WSCD2: variants seen among roughly 807,000 people sequenced by gnomAD.
WSCD2 encodes WSC domain sialate O sulfotransferase 2, also known as sialate:O-sulfotransferase 2.
WSCD2 carries 28 observed loss-of-function variants against 55.7 expected under a neutral mutation model. That is an observed-to-expected ratio of 0.50 (90% CI 0.37 to 0.69). WSCD2 has a LOEUF of 0.69. Among genes scored for constraint, WSCD2 ranks in the 30% least tolerant of loss-of-function variants. The pLI is 0.00. For synonymous variants in WSCD2, 301 were observed against 301.9 expected, an observed-to-expected ratio of 1.00 and a Z score of 0.03; for missense variants, 616 against 762.1, an observed-to-expected ratio of 0.81 and a Z score of 2.26.
intron 1 of WSCD2, among the ~76,000 whole-genome samples, chr12:108,162,756 G>T (rs1472695683): frequency 6.6e-6 from 1 of 152,128 alleles, no homozygotes; most frequent in Non-Finnish European, 1.5e-5. Flanking sequence ...AATGACCTCT[G>T]CTCAGACCTG....
At chr12:108,225,004 T>C in intron 5 of WSCD2, 144 bp downstream of exon 5, 1 of 1,247,328 alleles carries the variant, frequency 8.0e-7, no homozygotes, top group Admixed American at 2.6e-5. Flanking sequence ...GGGAGAGGGA[T>C]GTGACCATTT....
intron 1 of WSCD2, among the ~76,000 whole-genome samples, chr12:108,159,353 C>T (rs1878839824): frequency 6.6e-6 from 1 of 152,172 alleles, no homozygotes; most frequent in African/African-American, 2.4e-5. Flanking sequence ...TATAGTGACA[C>T]ATTTAGTCCT....
intron 1 of WSCD2, chr12:108,171,604 T>A (rs1880259470): frequency 6.6e-6 from 1 of 152,244 alleles, no homozygotes; most frequent in Non-Finnish European, 1.5e-5. Flanking sequence ...TCCTTCTTCA[T>A]TTTTTAACAT....
chr12:108,234,158 CA>C (rs892758005), intron 7 of WSCD2, among the ~76,000 whole-genome samples: 10 of 151,846 alleles, frequency 6.6e-5, no homozygotes, highest in Non-Finnish European at 1.2e-4. Context: ...ATAAAAATAA[CA>C]AAAAAATCTA....
At chr12:108,173,810 C>CTCTCTCTGTGTGTG (rs376999073) in intron 1 of WSCD2, among the ~76,000 whole-genome samples, 22 of 131,142 alleles carry the variant, frequency 1.7e-4, no homozygotes, top group African/African-American at 5.8e-4. Flanking sequence ...TCCTGGCTCT[C>CTCTCTCTGTGTGTG]TGTGTGTGTG....
At chr12:108,231,440 G>A (rs1185824184) in intron 6 of WSCD2, among the ~76,000 whole-genome samples, 1 of 152,170 alleles carries the variant, frequency 6.6e-6, no homozygotes, top group Admixed American at 6.5e-5. Flanking sequence ...TAACTCTGAT[G>A]GTAATGGCAT....
At chr12:108,139,525 A>G (rs898998433) in intron 1 of WSCD2, among the ~76,000 whole-genome samples, 3 of 152,172 alleles carry the variant, frequency 2.0e-5, no homozygotes, top group Non-Finnish European at 2.9e-5. Flanking sequence ...AGTCACCAAC[A>G]TGGGCTGTAG....
chr12:108,227,034 G>C lies in WSCD2; in HGVS notation c.849G>C (p.Gly283=). Residue 283 remains glycine (G), a synonymous_variant, in exon 6 of 9, where the codon GGG becomes GGC. Transcript: ENST00000547525. ...TTGCAGGCACCGCCTGCCACTGTGG[G>C]TTTCCCACCACCCGATTCCCGCTCC... ...AALAGTACHC[G]FPTTRFPLHD... The C allele has an allele frequency of 6.2e-7, 1 of 1,614,176 alleles. No homozygotes were observed. The highest frequency in any genetic ancestry group is 8.5e-7 in the Non-Finnish European group (1 of 1,180,034).
chr12:108,196,232 C>G lies in WSCD2; in HGVS notation c.382+18C>G. ...AGAGCGAGGTAAGAGCGAGGAACAT[C>G]TGGACACTGAGGGGCTGGGGAGAAG... On this transcript the variant is annotated intron_variant, in intron 2 of 8. Coordinates refer to ENST00000547525, the MANE Select transcript of WSCD2 (RefSeq NM_014653.4). The G allele has an allele frequency of 6.2e-7, 1 of 1,601,274 alleles. No individual in the cohort carries two copies. The highest frequency in any genetic ancestry group is 1.3e-5 in the African/African-American group (1 of 74,686).
chr12:108,223,731 G>A (rs1473866442), intron 4 of WSCD2, among the ~76,000 whole-genome samples: 2 of 152,200 alleles, frequency 1.3e-5, no homozygotes, highest in Non-Finnish European at 2.9e-5. Context: ...CCCAACAGGA[G>A]CAAGCAGCCC....
At chr12:108,132,770 G>A (rs940207881) in intron 1 of WSCD2, among the ~76,000 whole-genome samples, 3 of 152,202 alleles carry the variant, frequency 2.0e-5, no homozygotes, top group Non-Finnish European at 4.4e-5. Context: ...TTATTTGCAT[G>A]TGTATGTGGG....
At chr12:108,246,215 C>G (rs979294743) in intron 8 of WSCD2, among the ~76,000 whole-genome samples, 1 of 152,224 alleles carries the variant, frequency 6.6e-6, no homozygotes, top group African/African-American at 2.4e-5. Flanking sequence ...GACAGTAGTC[C>G]TTTTCCTTTC....
At position 108,248,290 on chromosome 12, in the gene WSCD2, G is replaced by A; in HGVS notation, c.1645G>A (p.Ala549Thr). Residue 549 changes from alanine to threonine, a missense_variant, in exon 9 of 9, where the codon GCC becomes ACC. Physicochemically the swap from Ala to Thr is moderately conservative, Grantham distance 58. Around this residue, in one of 3 missense-constraint regions of WSCD2, gnomAD observed 234 missense variants for 264.6 expected, o/e 0.88. Coordinates refer to ENST00000547525, the MANE Select transcript of WSCD2 (RefSeq NM_014653.4). This position sits in a 1 kb window ranked among gnomAD's most constrained non-coding sequence, Gnocchi z 4.3. ...ISAYIKMVDA[A>T]LKGRNLTGVP... Reference sequence around the variant, plus strand: ...TGCCTACATCAAGATGGTGGATGCAGCCCTCAAAGGGCGGAACCTAACGGG... The same window carrying A: ...TGCCTACATCAAGATGGTGGATGCAACCCTCAAAGGGCGGAACCTAACGGG... 1 of 1,614,210 alleles carries A rather than the reference G, an allele frequency of 6.2e-7. No homozygotes were observed. Among genetic ancestry groups the A allele is most frequent in the Non-Finnish European group, 8.5e-7 (1 of 1,180,038 alleles).
In WSCD2 at chr12:108,161,765, TC is replaced by T. The variant is rs539670363; in HGVS notation, c.-552+31841del. Among the ~76,000 whole-genome samples the T allele has an allele frequency of 2.0e-3, 311 of 152,298 alleles. 1 individual carries two copies. Among genetic ancestry groups the T allele is most frequent in the Non-Finnish European group, 3.6e-3 (247 of 68,022 alleles). ...TTATTCCTATGACCAGCATGTTCAG[TC>T]CTGTGATACCTGGGAAGCTTGTGGT... On this transcript the variant is annotated intron_variant, in intron 1 of 8. Transcript: ENST00000547525.
intron 1 of WSCD2, among the ~76,000 whole-genome samples, chr12:108,168,791 G>A (rs1330336667): frequency 6.6e-6 from 1 of 152,172 alleles, no homozygotes; most frequent in African/African-American, 2.4e-5. Flanking sequence ...TCATGGAGCT[G>A]TGTTTTTATA....
At chr12:108,154,154 G>A (rs1878300484) in intron 1 of WSCD2, among the ~76,000 whole-genome samples, 1 of 152,206 alleles carries the variant, frequency 6.6e-6, no homozygotes. Context: ...GGGTGTATTA[G>A]TTTCCAATAG....
intron 6 of WSCD2, among the ~76,000 whole-genome samples, chr12:108,227,878 TGATGATGAC>T (rs1888310975): frequency 6.6e-6 from 1 of 151,778 alleles, no homozygotes; most frequent in East Asian, 1.9e-4. Flanking sequence ...ATGATGAAAG[TGATGATGAC>T]GATGATGGTG....
At chr12:108,192,016 C>T (rs941592609) in intron 1 of WSCD2, among the ~76,000 whole-genome samples, 8 of 152,094 alleles carry the variant, frequency 5.3e-5, no homozygotes, top group South Asian at 4.1e-4. Context: ...TATGAAAGAA[C>T]GAAGAGGGAA....
intron 1 of WSCD2, among the ~76,000 whole-genome samples, chr12:108,168,675 T>A (rs1879915010): frequency 6.6e-6 from 1 of 152,226 alleles, no homozygotes; most frequent in South Asian, 2.1e-4. Flanking sequence ...ATGTAAGCAT[T>A]TAACATAGGG....
Sources: allele counts gnomAD v4.1 joint callset (sites outside exome capture counted in the v4.1 genomes callset), GRCh38; gene constraint gnomAD v4.1.1; regional missense constraint gnomAD v4.1.1; non-coding constraint Gnocchi (gnomAD v3.1); transcripts MANE v1.5; gene names NCBI Gene and HGNC (gene_info 2026-07-23, HGNC 2026-07-21).